The following NFATC2 variants were observed in gnomAD, a reference collection of about 807,000 sequenced individuals.
NFATC2 encodes the protein nuclear factor of activated T cells 2, also known as nuclear factor of activated T-cells, cytoplasmic 2.
Under a neutral mutation model 87.3 loss-of-function variants are expected in NFATC2, and 22 were observed. That is an observed-to-expected ratio of 0.25 (90% CI 0.18 to 0.36). The LOEUF (loss-of-function observed/expected upper bound fraction) is 0.36. Ranked by LOEUF, NFATC2 falls within the 10% of genes least tolerant of loss-of-function variation. The probability of loss-of-function intolerance (pLI) is 1.00; values close to 1 mark genes in which losing one functional copy is unlikely to be tolerated. For missense variants in NFATC2, 1,149 were observed against 1,259.1 expected, an observed-to-expected ratio of 0.91 and a Z score of 1.32; for synonymous variants, 565 against 542.2, an observed-to-expected ratio of 1.04 and a Z score of -0.58.
chr20:51,469,100 G>A (rs562831900), intron 5 of NFATC2, among the ~76,000 whole-genome samples: 1 of 151,578 alleles, frequency 6.6e-6, no homozygotes, highest in South Asian at 2.1e-4. Context: ...TTGGCTCACT[G>A]CAGCCTCAAC....
chr20:51,495,397 C>T (rs1600868985), intron 3 of NFATC2, among the ~76,000 whole-genome samples: 1 of 152,194 alleles, frequency 6.6e-6, no homozygotes, highest in Non-Finnish European at 1.5e-5. Context: ...TGGAAAGCCT[C>T]CTTTCTTAAA....
At chr20:51,447,213 G>A (rs1209475731) in intron 6 of NFATC2, among the ~76,000 whole-genome samples, 1 of 152,310 alleles carries the variant, frequency 6.6e-6, no homozygotes, top group African/African-American at 2.4e-5. Flanking sequence ...GGGAAAGAGG[G>A]AATTCCACCA....
intron 6 of NFATC2, among the ~76,000 whole-genome samples, chr20:51,446,166 A>G (rs1985030315): frequency 6.6e-6 from 1 of 152,172 alleles, no homozygotes. Context: ...CTGCCAGGCT[A>G]TGACTCCAGG....
In NFATC2 at chr20:51,517,012, T is replaced by TA. The variant is rs529470941; in HGVS notation, c.1161-58dup. 1.4e-3 allele frequency: 2,072 copies of TA among 1,527,660 alleles called. 7 individuals carry two copies. Among genetic ancestry groups the TA allele is most frequent in the Middle Eastern group, 0.012 (67 of 5,788 alleles). The allele number at this position is 1,527,660 out of a possible 1,614,324, so 94.6% of individuals were successfully genotyped here. On this transcript the variant is annotated intron_variant, in intron 2 of 10. Coordinates refer to ENST00000371564, the MANE Select transcript of NFATC2 (RefSeq NM_012340.5). ...CAATAAACCAAAATTAGTCAACTTG[T>TA]ACAATAATTGTAAACGGCCCTTTCT...
chr20:51,559,313 A>G (rs2077002721), intron 1 of NFATC2, among the ~76,000 whole-genome samples: 1 of 152,202 alleles, frequency 6.6e-6, no homozygotes, highest in Non-Finnish European at 1.5e-5. Flanking sequence ...TCTAGCAATA[A>G]GCCTTATACC....
At chr20:51,488,302 A>G (rs2075818721) in intron 3 of NFATC2, among the ~76,000 whole-genome samples, 1 of 152,220 alleles carries the variant, frequency 6.6e-6, no homozygotes, top group Non-Finnish European at 1.5e-5. Flanking sequence ...ATAATCCCAG[A>G]ATTTAAGACA....
At chr20:51,488,680 C>T (rs1255927735) in intron 3 of NFATC2, among the ~76,000 whole-genome samples, 1 of 152,166 alleles carries the variant, frequency 6.6e-6, no homozygotes, top group Non-Finnish European at 1.5e-5. Context: ...CACCCCAGAT[C>T]CTCCCACTTT....
chr20:51,547,473 G>T (rs2076898709), upstream of NFATC2, among the ~76,000 whole-genome samples: 1 of 152,128 alleles, frequency 6.6e-6, no homozygotes, highest in Non-Finnish European at 1.5e-5. Flanking sequence ...TCCCCAGGCT[G>T]CTTCAAGATG....
chr20:51,561,468 AAAGAAAGAAAGAAAGAAAGCAAGC>A (rs1241297592), intron 1 of NFATC2, among the ~76,000 whole-genome samples: 33 of 137,576 alleles, frequency 2.4e-4, no homozygotes, highest in East Asian at 1.3e-3. Context: ...AGAAAGAAAG[AAAGAAAGAAAGAAAGAAAGCAAGC>A]AAGCAAGCAA....
intron 2 of NFATC2, among the ~76,000 whole-genome samples, chr20:51,517,687 TGGGCAGATCACTGGAGGCCAGGAG>T (rs2076375856): frequency 6.6e-6 from 1 of 151,264 alleles, no homozygotes; most frequent in East Asian, 1.9e-4. Context: ...GAGGCTGAGG[TGGGCAGATCACTGGAGGCCAGGAG>T]TTCGAGACCA....
intron 3 of NFATC2, among the ~76,000 whole-genome samples, chr20:51,505,290 G>A (rs896856443): frequency 2.0e-5 from 3 of 151,686 alleles, no homozygotes. Context: ...AAAGTGCTGG[G>A]ATTACAGGCG....
At position 51,397,616 on chromosome 20, in the gene NFATC2, A is replaced by G. The variant is rs569471777; in HGVS notation, c.*44+1027T>C. The stretch of plus-strand genomic sequence containing the variant: ...AAAGTCCTGAGGACACTCCTGAGGG[A>G]CTCCCCAGGAGCCGATTCCTCAGAT... On this transcript the variant is annotated intron_variant, in intron 10 of 10. Transcript: ENST00000371564. Among the ~76,000 whole-genome samples the G allele has an allele frequency of 2.0e-5, 3 of 151,898 alleles. No homozygotes were observed. In the South Asian group the frequency reaches 6.3e-4, roughly 32 times the overall value.
intron 1 of NFATC2, among the ~76,000 whole-genome samples, chr20:51,555,942 A>T (rs143691575): frequency 7.0e-4 from 107 of 152,348 alleles, no homozygotes; most frequent in African/African-American, 1.1e-3. Context: ...AGATCCTATG[A>T]ATGGGACCTT....
chr20:51,530,816 T>G (rs1000701374), intron 1 of NFATC2, among the ~76,000 whole-genome samples: 3 of 152,134 alleles, frequency 2.0e-5, no homozygotes, highest in Non-Finnish European at 4.4e-5. Context: ...GCCCTCCCTG[T>G]TTCCCCAGGC....
chr20:51,433,714 TGTGTGTGCATGTGTGTGTGCGCATGC>T (rs1983111611), intron 8 of NFATC2, among the ~76,000 whole-genome samples: 2 of 151,790 alleles, frequency 1.3e-5, no homozygotes, highest in Admixed American at 6.6e-5. Flanking sequence ...TGTGACCAAG[TGTGTGTGCATGTGTGTGTGCGCATGC>T]GTGTGTGTTC....
In NFATC2 at chr20:51,398,537, C is replaced by G. The variant is rs555426121; in HGVS notation, c.*44+106G>C. On this transcript the variant is annotated intron_variant, in intron 10 of 10. Coordinates refer to ENST00000371564, the MANE Select transcript of NFATC2 (RefSeq NM_012340.5). ...AGAGCAGGAGAATGAGAAGAGAGGG[C>G]CTTCAGCCTGTCAAGTTTTCTTATA... 4.3e-4 allele frequency: 288 copies of G among 675,222 alleles called. No individual in the cohort carries two copies. In the African/African-American group the frequency reaches 4.9e-3, roughly 12 times the overall value. 41.8% of individuals were successfully genotyped at this position (675,222 alleles called of 1,614,324 possible).
chr20:51,398,835 A>G (rs2146227865), intron 9 of NFATC2, 105 bp from the exon 10 acceptor site: 1 of 791,782 alleles, frequency 1.3e-6, no homozygotes, highest in Non-Finnish European at 2.1e-6. Context: ...CCAGGAGGGA[A>G]CTTAACCCTT....
At chr20:51,464,877 C>T (rs547134711) in intron 5 of NFATC2, among the ~76,000 whole-genome samples, 14 of 152,362 alleles carry the variant, frequency 9.2e-5, no homozygotes, top group African/African-American at 3.4e-4. Flanking sequence ...TGGCCACAGG[C>T]AAGCTCACTT....
intron 6 of NFATC2, among the ~76,000 whole-genome samples, chr20:51,445,040 G>A (rs1402047783): frequency 1.3e-5 from 2 of 151,780 alleles, no homozygotes; most frequent in African/African-American, 4.8e-5. Context: ...TCCGAGTGCT[G>A]CCCCCCACCA....
Sources: gnomAD v4.1 joint callset for allele counts (sites outside exome capture counted in the v4.1 genomes callset) on GRCh38, gnomAD v4.1.1 for gene constraint, MANE v1.5 for transcripts, NCBI Gene and HGNC (gene_info 2026-07-23, HGNC 2026-07-21) for gene names.